The following RTL4 variants were observed in gnomAD, a reference collection of about 807,000 sequenced individuals.
RTL4 encodes retrotransposon Gag-like protein 4.
RTL4 carries 4 observed loss-of-function variants against 5.3 expected under a neutral mutation model. The observed-to-expected ratio is 0.75, with a 90% CI of 0.37 to 1.72. RTL4 has a LOEUF of 1.72. Among genes scored for constraint, RTL4 ranks in the 40% most tolerant of loss-of-function variants. RTL4 has a pLI of 0.04. For synonymous variants in RTL4, 98 were observed against 87.3 expected, an observed-to-expected ratio of 1.12 and a Z score of -0.68; for missense variants, 260 against 227.1, an observed-to-expected ratio of 1.14 and a Z score of -0.93.
the RTL4 span, among the ~76,000 whole-genome samples, chrX:112,245,553 T>C: frequency 8.9e-6 from 1 of 111,950 alleles, no homozygotes; most frequent in African/African-American, 3.3e-5. Flanking sequence ...CATCAGGTCA[T>C]TTAAGGTCTT....
the RTL4 span, among the ~76,000 whole-genome samples, chrX:112,286,625 C>G: frequency 1.8e-5 from 2 of 111,083 alleles, no homozygotes. Flanking sequence ...GTAGTGCCAA[C>G]TGGATTTGTC....
In RTL4 at chrX:112,455,268, G is replaced by C; in HGVS notation, c.540G>C (p.Gln180His). ...ATCTGATCTGTAATGAAACCAATCA[G>C]AGTGGTCAGTTCGAAAAGGCACTAG... Residue 180 changes from glutamine to histidine, a missense_variant, in exon 1 of 1, where the codon CAG becomes CAC. Transcript: ENST00000340433. 1 of 1,211,484 alleles carries C rather than the reference G, an allele frequency of 8.3e-7. No homozygotes were observed. The highest frequency in any genetic ancestry group is 1.8e-5 in the South Asian group (1 of 56,907).
the RTL4 span, among the ~76,000 whole-genome samples, chrX:112,247,325 A>G: frequency 1.8e-5 from 2 of 111,585 alleles, no homozygotes; most frequent in Admixed American, 1.9e-4. Context: ...CCCTAGCCCT[A>G]TGCAACTACA....
At chrX:112,414,732 G>A in the RTL4 span, among the ~76,000 whole-genome samples, 1 of 111,423 alleles carries the variant, frequency 9.0e-6, no homozygotes, top group Non-Finnish European at 1.9e-5. Context: ...TATTACTTAG[G>A]CAAGTCACTT....
At chrX:112,239,729 A>G in the RTL4 span, among the ~76,000 whole-genome samples, 1 of 111,792 alleles carries the variant, frequency 8.9e-6, no homozygotes, top group Non-Finnish European at 1.9e-5. Context: ...CACCATCTGC[A>G]ATAGGATAGT....
chrX:112,324,965 A>T, the RTL4 span, among the ~76,000 whole-genome samples: 1 of 111,730 alleles, frequency 9.0e-6, no homozygotes, highest in African/African-American at 3.3e-5. Context: ...AGGATACAAA[A>T]TCAATATGCA....
At chrX:112,399,759 T>G in the RTL4 span, among the ~76,000 whole-genome samples, 1 of 111,790 alleles carries the variant, frequency 8.9e-6, no homozygotes, top group East Asian at 2.8e-4. Flanking sequence ...ACAAAAGACT[T>G]CCTTTTACAT....
At chrX:112,333,733 C>T in the RTL4 span, among the ~76,000 whole-genome samples, 2 of 110,950 alleles carry the variant, frequency 1.8e-5, no homozygotes, top group East Asian at 2.8e-4. Context: ...GCATGCAATG[C>T]GTAATAATCA....
the RTL4 span, among the ~76,000 whole-genome samples, chrX:112,109,619 C>G: frequency 4.5e-5 from 5 of 111,828 alleles, no homozygotes; most frequent in Admixed American, 9.5e-5. Context: ...TAGCTAGCTA[C>G]AGAGGGCTGG....
At chrX:112,267,542 G>A in the RTL4 span, among the ~76,000 whole-genome samples, 4 of 111,025 alleles carry the variant, frequency 3.6e-5, no homozygotes, top group Admixed American at 9.6e-5. Flanking sequence ...ATTTGTACTC[G>A]TTGCCTTGGC....
the RTL4 span, among the ~76,000 whole-genome samples, chrX:112,305,502 A>G: frequency 9.1e-6 from 1 of 110,042 alleles, no homozygotes; most frequent in Non-Finnish European, 1.9e-5. Context: ...AGCTGGGACT[A>G]CAGGCACCTG....
the RTL4 span, among the ~76,000 whole-genome samples, chrX:112,116,226 A>G: frequency 8.9e-6 from 1 of 111,732 alleles, no homozygotes; most frequent in African/African-American, 3.2e-5. Context: ...AAGTGTTCCA[A>G]TGGTACTCAC....
At chrX:112,432,524 G>A in the RTL4 span, among the ~76,000 whole-genome samples, 1 of 102,259 alleles carries the variant, frequency 9.8e-6, no homozygotes, top group African/African-American at 3.6e-5. Context: ...CTGCATAAAT[G>A]TCTTCTTTTG....
the RTL4 span, among the ~76,000 whole-genome samples, chrX:112,231,448 C>A: frequency 9.2e-6 from 1 of 108,526 alleles, no homozygotes; most frequent in Non-Finnish European, 1.9e-5. Flanking sequence ...TGGAAACCAT[C>A]ATTCTCAGCA....
chrX:112,205,623 A>ACACG, the RTL4 span, among the ~76,000 whole-genome samples: 2 of 111,328 alleles, frequency 1.8e-5, no homozygotes, highest in Admixed American at 1.9e-4. Flanking sequence ...ACACACACAC[A>ACACG]CACGCACACA....
the RTL4 span, among the ~76,000 whole-genome samples, chrX:112,324,532 T>C: frequency 1.8e-5 from 2 of 111,359 alleles, no homozygotes; most frequent in East Asian, 5.6e-4. Flanking sequence ...TTTTCCTGGT[T>C]TTCTAAGATT....
the RTL4 span, among the ~76,000 whole-genome samples, chrX:112,323,899 A>G: frequency 8.9e-6 from 1 of 112,188 alleles, no homozygotes; most frequent in East Asian, 2.8e-4. Context: ...GAGTTTTTCC[A>G]ATGATATGAT....
chrX:112,231,159 G>A, the RTL4 span, among the ~76,000 whole-genome samples: 2 of 110,963 alleles, frequency 1.8e-5, no homozygotes, highest in South Asian at 3.9e-4. Context: ...TGTGGAAGTC[G>A]GTGTGGTGAT....
the RTL4 span, among the ~76,000 whole-genome samples, chrX:112,300,598 G>A: frequency 2.7e-5 from 3 of 112,306 alleles, no homozygotes; most frequent in Non-Finnish European, 3.8e-5. Flanking sequence ...TGTTAACAAA[G>A]GTTCTCTACA....
Sources: allele counts gnomAD v4.1 joint callset (sites outside exome capture counted in the v4.1 genomes callset), GRCh38; gene constraint gnomAD v4.1.1; transcripts MANE v1.5; gene names NCBI Gene and HGNC (gene_info 2026-07-23, HGNC 2026-07-21).